Variants in METTL21A observed in about 807,000 individuals in gnomAD.
METTL21A encodes the protein protein N-lysine methyltransferase METTL21A.
Under a neutral mutation model 20.9 loss-of-function variants are expected in METTL21A, and 22 were observed. That is an observed-to-expected ratio of 1.05 (90% confidence interval 0.75 to 1.50). The LOEUF (loss-of-function observed/expected upper bound fraction) is 1.50, where lower values mean the gene tolerates loss of function less well. METTL21A is among the 40% of genes most tolerant of loss of function. The probability of loss-of-function intolerance (pLI) is 0.00; values close to 1 mark genes in which losing one functional copy is unlikely to be tolerated. For missense variants in METTL21A, 271 were observed against 266.8 expected (o/e 1.02, Z -0.11); for synonymous variants, 93 against 102.0 (o/e 0.91, Z 0.53).
At chr2:207,604,743 C>A (rs1388295917), downstream of METTL21A, among the ~76,000 whole-genome samples, 1 of 152,150 alleles carries the variant, frequency 6.6e-6, no homozygotes, top group Admixed American at 6.5e-5. Flanking sequence ...TCCATTTTCT[C>A]CTCCCACCGC....
intron 3 of METTL21A, among the ~76,000 whole-genome samples, chr2:207,594,569 A>G (rs2085745579): frequency 6.6e-6 from 1 of 152,212 alleles, no homozygotes; most frequent in Admixed American, 6.5e-5. Context: ...GCTGAATAAT[A>G]TTAATATTAC....
At chr2:207,613,933 T>C (rs1329889738) in intron 3 of METTL21A, among the ~76,000 whole-genome samples, 2 of 152,126 alleles carry the variant, frequency 1.3e-5, no homozygotes, top group Non-Finnish European at 2.9e-5. Flanking sequence ...ATCTCGCCAC[T>C]GCACTCCAGC....
intron 3 of METTL21A, chr2:207,602,557 C>CT: frequency 4.7e-6 from 1 of 211,118 alleles, no homozygotes; most frequent in African/African-American, 2.3e-5. Flanking sequence ...GAGAGTAAAT[C>CT]TGAGTTAGCT....
chr2:207,581,661 G>C, downstream of METTL21A: 1 of 461,616 alleles, frequency 2.2e-6, no homozygotes, highest in East Asian at 3.3e-5. Flanking sequence ...ACAGAGTTCC[G>C]GATACCCTTC....
chr2:207,594,514 C>T (rs529419610), intron 3 of METTL21A, among the ~76,000 whole-genome samples: 2 of 152,126 alleles, frequency 1.3e-5, no homozygotes, highest in South Asian at 4.1e-4. Flanking sequence ...AGCATAATGC[C>T]CTCAAGGTTC....
At chr2:207,582,197 T>G (rs542797350) in intron 3 of METTL21A, 21 of 702,924 alleles carry the variant, frequency 3.0e-5, no homozygotes, top group South Asian at 2.5e-4. Flanking sequence ...TGTGGTCATA[T>G]GTTAAAACCA....
At chr2:207,597,024 C>G in intron 3 of METTL21A, 4 of 1,609,942 alleles carry the variant, frequency 2.5e-6, no homozygotes, top group Non-Finnish European at 3.4e-6. Flanking sequence ...GAGCTAAAAG[C>G]ACTTAAGGAC....
At chr2:207,605,573 G>A (rs575940720), downstream of METTL21A, among the ~76,000 whole-genome samples, 1 of 133,962 alleles carries the variant, frequency 7.5e-6, no homozygotes, top group East Asian at 1.9e-4. Flanking sequence ...AGTTTTTTGT[G>A]TTATGTTTTT....
Position 207,590,082 on chromosome 2 carries a change from AGTTTTT to A in METTL21A, c.260-7928_260-7923del, listed in dbSNP as rs1415058088. Among the ~76,000 whole-genome samples the A allele has an allele frequency of 5.4e-3, 520 of 95,552 alleles. 1 individual carries two copies. Among genetic ancestry groups the A allele is most frequent in the Middle Eastern group, 0.018 (3 of 164 alleles). 62.7% of individuals were successfully genotyped at this position (95,552 alleles called of 152,430 possible). ...AGGCCTGGAGTTTTCTATTTTGAGAAGTTTTTTTTTTTTTTTTTTTTTTTTAATAGA... is the reference window on the plus strand; with the variant it reads ...AGGCCTGGAGTTTTCTATTTTGAGAATTTTTTTTTTTTTTTTTTTAATAGA... On this transcript the variant is annotated intron_variant, in intron 3 of 3. Transcript: ENST00000425132.
At chr2:207,604,540 G>A (rs866948648), downstream of METTL21A, among the ~76,000 whole-genome samples, 1 of 152,136 alleles carries the variant, frequency 6.6e-6, no homozygotes, top group South Asian at 2.1e-4. Flanking sequence ...ACACGGGCCT[G>A]ACATCAAATG....
chr2:207,617,977 GT>G (rs1366689636), intron 3 of METTL21A, among the ~76,000 whole-genome samples: 2 of 152,178 alleles, frequency 1.3e-5, no homozygotes, highest in East Asian at 1.9e-4. Flanking sequence ...AAAGAAAAGA[GT>G]TTGGCTTTAA....
downstream of METTL21A, among the ~76,000 whole-genome samples, chr2:207,607,792 TGTGA>T (rs923803623): frequency 2.2e-4 from 33 of 150,954 alleles, no homozygotes; most frequent in African/African-American, 5.9e-4. Context: ...AATTGGGCAA[TGTGA>T]GTGAGAATCA....
Position 207,603,244 on chromosome 2 carries a change from G to A in METTL21A, c.259+18562C>T, listed in dbSNP as rs1412569752. The A allele has an allele frequency of 1.4e-5, 3 of 219,974 alleles. No individual in the cohort carries two copies. In the Admixed American group the frequency reaches 1.7e-4, roughly 13 times the overall value. 13.6% of individuals were successfully genotyped at this position (219,974 alleles called of 1,614,324 possible). ...TTACAATGCATTTTATTAACACTAT[G>A]TACATAATAGCTGCTTTGTGTTCAG... On this transcript the variant is annotated intron_variant, in intron 3 of 3. Transcript: ENST00000425132.
At chr2:207,594,001 CAG>C (rs1314905981) in intron 3 of METTL21A, among the ~76,000 whole-genome samples, 13 of 152,080 alleles carry the variant, frequency 8.5e-5, no homozygotes, top group Admixed American at 7.9e-4. Flanking sequence ...CCTGGGATTA[CAG>C]GGGTGAGCCA....
downstream of METTL21A, chr2:207,580,742 C>T (rs1019106708): frequency 8.9e-6 from 2 of 224,390 alleles, no homozygotes; most frequent in East Asian, 6.5e-5. Flanking sequence ...GTAACAACCA[C>T]GAATCTCAGT....
At chr2:207,608,700 G>C, downstream of METTL21A, among the ~76,000 whole-genome samples, 1 of 152,210 alleles carries the variant, frequency 6.6e-6, no homozygotes, top group East Asian at 1.9e-4. Flanking sequence ...GGGAGGCTGA[G>C]ACAGGTGGAT....
At chr2:207,613,336 G>T in exon 4 of METTL21A, 1 of 1,614,040 alleles carries the variant, frequency 6.2e-7, no homozygotes, top group Non-Finnish European at 8.5e-7. Flanking sequence ...CCCCAAGTCA[G>T]CTCCTTAACA....
At chr2:207,588,739 T>TGTG (rs67564101) in intron 3 of METTL21A, among the ~76,000 whole-genome samples, 1 of 148,372 alleles carries the variant, frequency 6.7e-6, no homozygotes, top group Non-Finnish European at 1.5e-5. Context: ...TTTTTTTTTT[T>TGTG]TTTGTGTGTG....
intron 3 of METTL21A, chr2:207,603,240 CTA>C (rs1432799165): frequency 3.2e-5 from 7 of 219,750 alleles, no homozygotes; most frequent in South Asian, 1.8e-4. Flanking sequence ...TTTATTAACA[CTA>C]TGTACATAAT....
Sources: gnomAD v4.1 joint callset for allele counts (sites outside exome capture counted in the v4.1 genomes callset) on GRCh38, gnomAD v4.1.1 for gene constraint, MANE v1.5 for transcripts, NCBI Gene and HGNC (gene_info 2026-07-23, HGNC 2026-07-21) for gene names.